ZNF236: variants seen among roughly 807,000 people sequenced by gnomAD.
ZNF236 encodes regulated by glucose.
Under a neutral mutation model 191.2 loss-of-function variants are expected in ZNF236, and 50 were observed. The observed-to-expected ratio is 0.26, with a 90% confidence interval of 0.21 to 0.33. The LOEUF (loss-of-function observed/expected upper bound fraction) is 0.33. ZNF236 is among the 10% of genes least tolerant of loss of function. The probability of loss-of-function intolerance (pLI) is 1.00; values close to 1 mark genes in which losing one functional copy is unlikely to be tolerated. For synonymous variants in ZNF236, 907 were observed against 928.8 expected, an observed-to-expected ratio of 0.98 and a Z score of 0.43; for missense variants, 1,754 against 2,374.5, an observed-to-expected ratio of 0.74 and a Z score of 5.43.
In ZNF236 at chr18:76,927,496, G is replaced by C. The variant is rs755943716; in HGVS notation, c.4393G>C (p.Val1465Leu). The C allele has an allele frequency of 8.1e-6, 13 of 1,613,960 alleles. No individual in the cohort carries two copies. The Admixed American group carries it at 2.2e-4, about 27-fold the overall frequency. The change falls in exon 24 of 31, where the codon GTG becomes CTG. Residue 1465 changes from valine to leucine, a missense_variant. Physicochemically the swap from Val to Leu is conservative, Grantham distance 32. Coordinates refer to ENST00000320610, the MANE Select transcript of ZNF236 (RefSeq NM_001306089.2). This position sits in a 1 kb window ranked among gnomAD's most constrained non-coding sequence, Gnocchi z 5.4. ...TIGPLSEQDS[V>L]LTTNSSGTQD... ...AGGCCCGCTGTCTGAGCAGGATTCA[G>C]TGCTGACCACTAACAGCAGTGGTAA...
intron 25 of ZNF236, among the ~76,000 whole-genome samples, chr18:76,928,330 ACAGT>A (rs1599403358): frequency 6.6e-6 from 1 of 152,230 alleles, no homozygotes; most frequent in East Asian, 1.9e-4. Context: ...CAGTTTGAGT[ACAGT>A]CAGTTATTTA....
At position 76,925,162 on chromosome 18, in the gene ZNF236, G is replaced by A. The variant is rs1967639807; in HGVS notation, c.3662-27G>A. ...GAGTGTCGCGACTGCCATCGCCTCTGTTGATTCTTGGCTGGGCTTTTCACA... is the reference window on the plus strand; with the variant it reads ...GAGTGTCGCGACTGCCATCGCCTCTATTGATTCTTGGCTGGGCTTTTCACA... On this transcript the variant is annotated intron_variant, in intron 21 of 30. Transcript: ENST00000320610. The surrounding 1 kb of genome is among the most constrained non-coding windows in gnomAD (Gnocchi z 5.7). 1 of 1,602,834 alleles carries A rather than the reference G, an allele frequency of 6.2e-7. No individual in the cohort carries two copies. The highest frequency in any genetic ancestry group is 8.5e-7 in the Non-Finnish European group (1 of 1,172,912).
At chr18:76,917,559 G>A (rs765198081) in intron 19 of ZNF236, among the ~76,000 whole-genome samples, 10 of 152,152 alleles carry the variant, frequency 6.6e-5, no homozygotes, top group Non-Finnish European at 1.0e-4. Context: ...GTGTTAAATT[G>A]CGTTGTTTTG....
intron 3 of ZNF236, among the ~76,000 whole-genome samples, chr18:76,860,917 T>G (rs1976200376): frequency 6.6e-6 from 1 of 151,562 alleles, no homozygotes; most frequent in Non-Finnish European, 1.5e-5. Context: ...CGGGGAAGAG[T>G]CATGGAAGAG....
chr18:76,842,682 C>T (rs1420612758), intron 1 of ZNF236, among the ~76,000 whole-genome samples: 7 of 150,842 alleles, frequency 4.6e-5, no homozygotes, highest in Admixed American at 2.0e-4. Flanking sequence ...ACCCGGGAGG[C>T]GGAGGTTGCG....
chr18:76,919,691 C>A lies in ZNF236; in HGVS notation c.3275-85C>A. Reference sequence around the variant, plus strand: ...TTGAGTTATTAATTTTCATTACATACATACCTATTTAGTTTTAATTGTTTT... The same window carrying A: ...TTGAGTTATTAATTTTCATTACATAAATACCTATTTAGTTTTAATTGTTTT... On this transcript the variant is annotated intron_variant, in intron 19 of 30. Transcript: ENST00000320610. The surrounding 1 kb of genome is among the most constrained non-coding windows in gnomAD (Gnocchi z 5.3). 1 of 1,460,400 alleles carries A rather than the reference C, an allele frequency of 6.8e-7. No homozygotes were observed. Among genetic ancestry groups the A allele is most frequent in the Non-Finnish European group, 9.4e-7 (1 of 1,062,678 alleles). The allele number at this position is 1,460,400 out of a possible 1,614,324, so 90.5% of individuals were successfully genotyped here. A position where few individuals can be genotyped will look rare whatever the true frequency, so the allele number is the denominator to read the frequency against.
chr18:76,895,153 G>T lies in ZNF236; in HGVS notation c.1558G>T (p.Ala520Ser). 6.2e-7 allele frequency: 1 copy of T among 1,608,960 alleles called. No homozygotes were observed. The change falls in exon 10 of 31, where the codon GCC (alanine) becomes TCC (serine). Residue 520 changes from alanine (A) to serine (S), a missense_variant. Around this residue, in one of 5 missense-constraint regions of ZNF236, gnomAD observed 641 missense variants for 869.6 expected, o/e 0.74. Coordinates refer to ENST00000320610, the MANE Select transcript of ZNF236 (RefSeq NM_001306089.2). ...KPFKCPQCFRAFAVKSTLTAH... is the reference protein window; with the variant it reads ...KPFKCPQCFRSFAVKSTLTAH... ...CTTCAAGTGCCCGCAGTGCTTCCGC[G>T]CCTTCGCCGTGAAGAGCACGCTGAC...
In ZNF236 at chr18:76,912,322, G is replaced by A. The variant is rs370353180; in HGVS notation, c.2884G>A (p.Glu962Lys). The A allele has an allele frequency of 1.0e-4, 162 of 1,614,028 alleles. No homozygotes were observed. Among genetic ancestry groups the A allele is most frequent in the Middle Eastern group, 8.3e-4 (5 of 6,052 alleles). ...AQGSQFLEDNEDQSRRSYRCD... is the reference protein window; with the variant it reads ...AQGSQFLEDNKDQSRRSYRCD... ...AGGTTCCCAGTTTCTGGAGGACAACGAGGACCAGAGCAGGCGCTCTTACAG... is the reference window on the plus strand; with the variant it reads ...AGGTTCCCAGTTTCTGGAGGACAACAAGGACCAGAGCAGGCGCTCTTACAG... Residue 962 changes from glutamate (E) to lysine (K), a missense_variant, in exon 17 of 31, where the codon GAG (glutamate) becomes AAG (lysine). Coordinates refer to ENST00000320610, the MANE Select transcript of ZNF236 (RefSeq NM_001306089.2).
chr18:76,851,953 T>C lies in ZNF236; in HGVS notation c.363+14T>C, dbSNP rs370363049. 5 of 1,600,850 alleles carry C rather than the reference T, an allele frequency of 3.1e-6. No individual in the cohort carries two copies. The highest frequency in any genetic ancestry group is 1.1e-5 in the South Asian group (1 of 88,306). On this transcript the variant is annotated intron_variant, in intron 3 of 30. Transcript: ENST00000320610. ...GAAAAGGAAGAGGTAATCATCATCA[T>C]TTTGCATATACTTTGTTAACTGATT...
chr18:76,851,944 T>A lies in ZNF236; in HGVS notation c.363+5T>A. The A allele has an allele frequency of 1.2e-6, 2 of 1,602,980 alleles. No individual in the cohort carries two copies. Among genetic ancestry groups the A allele is most frequent in the Non-Finnish European group, 1.7e-6 (2 of 1,174,438 alleles). On this transcript the variant is annotated splice_donor_5th_base_variant and intron_variant, in intron 3 of 30. Coordinates refer to ENST00000320610, the MANE Select transcript of ZNF236 (RefSeq NM_001306089.2). ...ATGCTACATGAAAAGGAAGAGGTAA[T>A]CATCATCATTTTGCATATACTTTGT...
intron 10 of ZNF236, among the ~76,000 whole-genome samples, chr18:76,896,277 C>T (rs1355416915): frequency 6.6e-6 from 1 of 151,388 alleles, no homozygotes; most frequent in South Asian, 2.1e-4. Context: ...AGGTACCAAA[C>T]ATAGTACCAC....
chr18:76,899,688 C>A (rs1015713123), intron 11 of ZNF236, among the ~76,000 whole-genome samples: 6 of 152,170 alleles, frequency 3.9e-5, no homozygotes, highest in Non-Finnish European at 7.4e-5. Context: ...TTCAGTGTTA[C>A]TATAACCAAC....
chr18:76,914,559 A>T (rs1297329398), intron 18 of ZNF236, among the ~76,000 whole-genome samples: 1 of 152,022 alleles, frequency 6.6e-6, no homozygotes, highest in East Asian at 1.9e-4. Context: ...AATGGCTATT[A>T]TTGCTTCTCT....
chr18:76,941,978 G>C (rs1282160606), intron 26 of ZNF236, among the ~76,000 whole-genome samples: 2 of 151,918 alleles, frequency 1.3e-5, no homozygotes, highest in Non-Finnish European at 2.9e-5. Flanking sequence ...ATGAATCCTT[G>C]GTAGCAATAA....
intron 9 of ZNF236, among the ~76,000 whole-genome samples, chr18:76,882,264 A>C (rs1395595804): frequency 6.6e-6 from 1 of 152,140 alleles, no homozygotes; most frequent in East Asian, 1.9e-4. Context: ...CCGTCATTCA[A>C]GCATCTTCAG....
chr18:76,959,358 C>T (rs1364302089), intron 28 of ZNF236, among the ~76,000 whole-genome samples: 1 of 152,168 alleles, frequency 6.6e-6, no homozygotes, highest in African/African-American at 2.4e-5. Context: ...TGGACTCCTG[C>T]ACTAGGCTCA....
At chr18:76,938,700 C>T (rs951115233) in intron 26 of ZNF236, among the ~76,000 whole-genome samples, 1 of 152,200 alleles carries the variant, frequency 6.6e-6, no homozygotes, top group Non-Finnish European at 1.5e-5. Context: ...TGCACAGCCA[C>T]TACCCTCTTC....
At chr18:76,918,899 A>T (rs958527452) in intron 19 of ZNF236, among the ~76,000 whole-genome samples, 1 of 152,160 alleles carries the variant, frequency 6.6e-6, no homozygotes, top group Non-Finnish European at 1.5e-5. Context: ...AATAACAAGA[A>T]AAAAAGGATC....
intron 26 of ZNF236, among the ~76,000 whole-genome samples, chr18:76,947,115 A>G (rs1968283161): frequency 6.6e-6 from 1 of 151,920 alleles, no homozygotes; most frequent in Admixed American, 6.6e-5. Flanking sequence ...CGTTCTGGGT[A>G]TTTCATAGAA....
Sources: gnomAD v4.1 joint callset for allele counts (sites outside exome capture counted in the v4.1 genomes callset) on GRCh38, gnomAD v4.1.1 for gene constraint, gnomAD v4.1.1 regional missense constraint, Gnocchi (gnomAD v3.1) non-coding constraint, MANE v1.5 for transcripts, NCBI Gene and HGNC (gene_info 2026-07-23, HGNC 2026-07-21) for gene names.